The following DDC variants were observed in gnomAD, a reference collection of about 807,000 sequenced individuals.
DDC encodes dopa decarboxylase.
Under a neutral mutation model 60.0 loss-of-function variants are expected in DDC, and 43 were observed. The observed-to-expected ratio is 0.72, with a 90% CI of 0.56 to 0.92. The LOEUF (loss-of-function observed/expected upper bound fraction) is 0.92, where lower values mean the gene tolerates loss of function less well. Among genes scored for constraint, DDC ranks in the 40% least tolerant of loss-of-function variants. The pLI, the probability that DDC is intolerant of heterozygous loss-of-function variation, is 0.00. For synonymous variants in DDC, 232 were observed against 234.6 expected (o/e 0.99, Z 0.10); for missense variants, 573 against 620.2 (o/e 0.92, Z 0.81).
chr7:50,499,312 C>T (rs2043197312), intron 7 of DDC, 70 bp from the exon 8 acceptor site: 3 of 1,074,832 alleles, frequency 2.8e-6, no homozygotes, highest in African/African-American at 1.5e-5. Flanking sequence ...GCTGACCTCG[C>T]CCTGTCTGAG....
chr7:50,558,420 A>ACAGCTGCTGGC (rs2045252621), intron 1 of DDC, among the ~76,000 whole-genome samples: 1 of 152,166 alleles, frequency 6.6e-6, no homozygotes, highest in Non-Finnish European at 1.5e-5. Context: ...CTCATATTGA[A>ACAGCTGCTGGC]CAGCTGCTGG....
In DDC at chr7:50,468,320, A is replaced by C. The variant is rs12666643; in HGVS notation, c.1141-1005T>G. Among the ~76,000 whole-genome samples the C allele has an allele frequency of 2.8e-4, 43 of 152,368 alleles. No individual in the cohort carries two copies. The East Asian group carries it at 6.0e-3, about 21-fold the overall frequency. Reference sequence around the variant, plus strand: ...CTAAGGCAGGATTGGGTCCCCTTTAAGAAAGAAGTGGAGTGTGTTTTAAAC... The same window carrying C: ...CTAAGGCAGGATTGGGTCCCCTTTACGAAAGAAGTGGAGTGTGTTTTAAAC... On this transcript the variant is annotated intron_variant, in intron 12 of 14. Coordinates refer to ENST00000444124, the MANE Select transcript of DDC (RefSeq NM_001082971.2).
At chr7:50,485,942 GA>G (rs2042871277) in intron 9 of DDC, among the ~76,000 whole-genome samples, 1 of 152,102 alleles carries the variant, frequency 6.6e-6, no homozygotes, top group Non-Finnish European at 1.5e-5. Flanking sequence ...CTTATGAACA[GA>G]ATAATGAATT....
chr7:50,462,530 G>A (rs1046990602), intron 14 of DDC, among the ~76,000 whole-genome samples: 1 of 152,174 alleles, frequency 6.6e-6, no homozygotes, highest in African/African-American at 2.4e-5. Context: ...TGGACGGCAA[G>A]TCGTGAGTCA....
intron 6 of DDC, among the ~76,000 whole-genome samples, chr7:50,511,907 A>C (rs2043591251): frequency 6.6e-6 from 1 of 152,162 alleles, no homozygotes; most frequent in Non-Finnish European, 1.5e-5. Flanking sequence ...TATTTATCCA[A>C]CTACATCAAT....
At chr7:50,462,831 G>A (rs997925113) in intron 14 of DDC, among the ~76,000 whole-genome samples, 1 of 141,234 alleles carries the variant, frequency 7.1e-6, no homozygotes, top group South Asian at 2.2e-4. Flanking sequence ...ACGCAGTGGC[G>A]CGATCTCGGC....
chr7:50,467,278 C>T lies in DDC; in HGVS notation c.1178G>A (p.Arg393His), dbSNP rs752108612. ...QLSHEFESLV[R>H]QDPRFEICVE... ...ACAGATTTCAAAGCGGGGATCCTGG[C>T]GCACCAGTGACTCAAACTCATGGGA... is the stretch of plus-strand genomic sequence containing the variant. The change falls in exon 13 of 15, where the codon CGC becomes CAC. Residue 393 changes from arginine (R) to histidine (H), a missense_variant. Arg to His is a conservative substitution (Grantham distance 29). Coordinates refer to ENST00000444124, the MANE Select transcript of DDC (RefSeq NM_001082971.2). 6.8e-6 allele frequency: 11 copies of T among 1,614,032 alleles called. No homozygotes were observed. The highest frequency in any genetic ancestry group is 2.2e-5 in the East Asian group (1 of 44,896).
intron 6 of DDC, among the ~76,000 whole-genome samples, chr7:50,515,943 C>A (rs1216140038): frequency 6.6e-6 from 1 of 152,078 alleles, no homozygotes; most frequent in Non-Finnish European, 1.5e-5. Flanking sequence ...ACTACTAGAC[C>A]TAAGAAATGA....
At chr7:50,539,804 C>T in intron 3 of DDC, 111 bp downstream of exon 3, 1 of 789,244 alleles carries the variant, frequency 1.3e-6, no homozygotes, top group Non-Finnish European at 2.2e-6. Flanking sequence ...GCCCGTCTGC[C>T]CACAGACAGC....
At chr7:50,558,159 G>A (rs2045244945) in intron 1 of DDC, among the ~76,000 whole-genome samples, 1 of 149,492 alleles carries the variant, frequency 6.7e-6, no homozygotes, top group African/African-American at 2.5e-5. Context: ...TAGTTCACAA[G>A]AGATCATAAC....
rs183472648 is a variant in DDC, at chr7:50,467,904, T to C, written c.1141-589A>G. Among the ~76,000 whole-genome samples the C allele has an allele frequency of 1.3e-5, 2 of 152,344 alleles. 1 individual carries two copies. Among genetic ancestry groups the C allele is most frequent in the Non-Finnish European group, 2.9e-5 (2 of 68,030 alleles). The stretch of plus-strand genomic sequence containing the variant: ...CTCCTCCGCGTTTGCCACCTAGAGC[T>C]GGGCATCCTGTCCGCTCTGTCACAT... On this transcript the variant is annotated intron_variant, in intron 12 of 14. Transcript: ENST00000444124.
At chr7:50,468,023 T>A (rs2042436243) in intron 12 of DDC, among the ~76,000 whole-genome samples, 1 of 152,284 alleles carries the variant, frequency 6.6e-6, no homozygotes, top group African/African-American at 2.4e-5. Context: ...CAGCATGTGA[T>A]CCTAGGAGAA....
intron 11 of DDC, among the ~76,000 whole-genome samples, chr7:50,471,840 A>C (rs1214813319): frequency 6.6e-6 from 1 of 152,132 alleles, no homozygotes; most frequent in Non-Finnish European, 1.5e-5. Context: ...CCACTAGCTG[A>C]CTGACTATCT....
chr7:50,508,067 C>T (rs542273002), intron 6 of DDC, among the ~76,000 whole-genome samples: 8 of 152,368 alleles, frequency 5.3e-5, no homozygotes, highest in African/African-American at 1.2e-4. Context: ...CATCAGTTAA[C>T]GAGCTCAGCA....
chr7:50,491,255 C>A (rs914938816), intron 9 of DDC, among the ~76,000 whole-genome samples: 1 of 152,172 alleles, frequency 6.6e-6, no homozygotes, highest in African/African-American at 2.4e-5. Context: ...GACATAGGGA[C>A]TTCAGAGTAA....
At chr7:50,539,267 C>T (rs1474550585) in intron 3 of DDC, 1 of 155,712 alleles carries the variant, frequency 6.4e-6, no homozygotes, top group Non-Finnish European at 1.4e-5. Context: ...GCAGGCAGCT[C>T]TACCTCCAAG....
At chr7:50,508,476 C>T (rs1179495806) in intron 6 of DDC, among the ~76,000 whole-genome samples, 1 of 152,222 alleles carries the variant, frequency 6.6e-6, no homozygotes, top group Non-Finnish European at 1.5e-5. Flanking sequence ...GTAAGTGCCT[C>T]GCAGGCATCG....
chr7:50,477,171 G>A (rs1318477334), intron 10 of DDC, among the ~76,000 whole-genome samples: 1 of 152,150 alleles, frequency 6.6e-6, no homozygotes, highest in Non-Finnish European at 1.5e-5. Flanking sequence ...TAACATCCAG[G>A]AATCATTGGC....
chr7:50,499,836 C>T (rs995535308), intron 7 of DDC, among the ~76,000 whole-genome samples: 2 of 152,190 alleles, frequency 1.3e-5, no homozygotes, highest in African/African-American at 4.8e-5. Flanking sequence ...GCTGGGAGAG[C>T]CACAGATGTA....
Sources: allele counts gnomAD v4.1 joint callset (sites outside exome capture counted in the v4.1 genomes callset), GRCh38; gene constraint gnomAD v4.1.1; transcripts MANE v1.5; gene names NCBI Gene and HGNC (gene_info 2026-07-23, HGNC 2026-07-21).